Variants in SNTG1 observed in about 807,000 individuals in gnomAD.
SNTG1 encodes the protein gamma-1-syntrophin.
A neutral mutation model predicts 74.7 loss-of-function variants in SNTG1; 39 were observed. The ratio of observed to expected loss-of-function variants is 0.52; its 90% confidence interval spans 0.40 to 0.68. SNTG1 has a LOEUF of 0.68. SNTG1 is among the 30% of genes least tolerant of loss of function. The pLI is 0.00. For missense variants in SNTG1, 685 were observed against 609.5 expected (o/e 1.12, Z -1.30); for synonymous variants, 254 against 217.1 (o/e 1.17, Z -1.49).
At chr8:50,202,067 C>A (rs1386065222) in intron 2 of SNTG1, among the ~76,000 whole-genome samples, 1 of 152,058 alleles carries the variant, frequency 6.6e-6, no homozygotes, top group Admixed American at 6.6e-5. Context: ...GACAATCCTT[C>A]TTTCCAGAGT....
chr8:50,389,580 A>G (rs567572153), intron 2 of SNTG1, among the ~76,000 whole-genome samples: 60 of 152,264 alleles, frequency 3.9e-4, no homozygotes, highest in Admixed American at 2.9e-3. Context: ...ATGATTTATA[A>G]TCCTTTGGGT....
intron 2 of SNTG1, among the ~76,000 whole-genome samples, chr8:50,182,877 A>G (rs1238804289): frequency 6.6e-6 from 1 of 152,110 alleles, no homozygotes; most frequent in Non-Finnish European, 1.5e-5. Context: ...AACAAATGCT[A>G]TGGAATTAAT....
chr8:50,359,181 C>T (rs1019803754), intron 2 of SNTG1, among the ~76,000 whole-genome samples: 3 of 152,154 alleles, frequency 2.0e-5, no homozygotes, highest in Non-Finnish European at 2.9e-5. Context: ...AATAGGCATG[C>T]CATTTATTCT....
chr8:50,711,546 G>GC (rs2095461699), intron 17 of SNTG1, among the ~76,000 whole-genome samples: 1 of 152,120 alleles, frequency 6.6e-6, no homozygotes, highest in African/African-American at 2.4e-5. Context: ...AAGAATTGCT[G>GC]CATCTCTCTT....
At chr8:49,932,033 A>G (rs926901425) in intron 1 of SNTG1, among the ~76,000 whole-genome samples, 2 of 152,158 alleles carry the variant, frequency 1.3e-5, no homozygotes, top group African/African-American at 4.8e-5. Context: ...TTAATTTTTT[A>G]TAATTAAAGG....
intron 13 of SNTG1, among the ~76,000 whole-genome samples, chr8:50,594,878 T>C (rs1026921): frequency 0.61 from 91,990 of 151,898 alleles, 30,588 homozygotes; most frequent in East Asian, 0.79. Context: ...ACAGTAAGCT[T>C]TGTGGCATTA....
chr8:50,460,976 T>A (rs1488869080), intron 8 of SNTG1, among the ~76,000 whole-genome samples: 3 of 152,316 alleles, frequency 2.0e-5, no homozygotes, highest in East Asian at 3.9e-4. Context: ...TTATTCAGAT[T>A]TCATTAGTTT....
At chr8:50,076,476 A>G (rs1183066249) in intron 1 of SNTG1, among the ~76,000 whole-genome samples, 1 of 152,214 alleles carries the variant, frequency 6.6e-6, no homozygotes, top group Non-Finnish European at 1.5e-5. Flanking sequence ...TGAGTGGACT[A>G]TAAAATATGA....
chr8:50,145,090 A>G (rs1240731823), intron 1 of SNTG1, among the ~76,000 whole-genome samples: 1 of 152,150 alleles, frequency 6.6e-6, no homozygotes, highest in Non-Finnish European at 1.5e-5. Context: ...TCAGTGCTTC[A>G]GGAATGATGG....
At chr8:50,584,151 T>C (rs1437454266) in intron 12 of SNTG1, among the ~76,000 whole-genome samples, 3 of 152,160 alleles carry the variant, frequency 2.0e-5, no homozygotes, top group Non-Finnish European at 4.4e-5. Flanking sequence ...ATATGCCATA[T>C]TTTCTTAATC....
chr8:50,162,578 GAA>G lies in SNTG1; in HGVS notation c.-102-9975_-102-9974del, dbSNP rs1188032481. Among the ~76,000 whole-genome samples, 47 of 136,312 alleles carry G rather than the reference GAA, an allele frequency of 3.4e-4. 1 individual carries two copies. Among genetic ancestry groups the G allele is most frequent in the African/African-American group, 1.3e-3 (46 of 36,674 alleles). The allele number at this position is 136,312 out of a possible 152,430, so 89.4% of individuals were successfully genotyped here. ...CTGTCTCAAAAAAAAAAAAAAAAAAGAAAAAAAAAGAAAGAAAACACCAGTCC... is the reference window on the plus strand; with the variant it reads ...CTGTCTCAAAAAAAAAAAAAAAAAAGAAAAAAAGAAAGAAAACACCAGTCC... On this transcript the variant is annotated intron_variant, in intron 1 of 18. Transcript: ENST00000642720.
chr8:50,416,936 T>C (rs1242903461), intron 4 of SNTG1, among the ~76,000 whole-genome samples: 1 of 152,134 alleles, frequency 6.6e-6, no homozygotes, highest in East Asian at 1.9e-4. Context: ...ATTCACTGTC[T>C]TTGCTTCAAA....
intron 1 of SNTG1, among the ~76,000 whole-genome samples, chr8:50,109,918 C>G (rs1010888850): frequency 1.3e-5 from 2 of 152,148 alleles, no homozygotes; most frequent in African/African-American, 4.8e-5. Flanking sequence ...AAGTCACCAC[C>G]TTTTTCTTTC....
intron 2 of SNTG1, among the ~76,000 whole-genome samples, chr8:50,386,057 A>T (rs2092569327): frequency 6.6e-6 from 1 of 152,226 alleles, no homozygotes; most frequent in South Asian, 2.1e-4. Context: ...AGTTAAAGGT[A>T]GTTCTAATGG....
chr8:50,196,943 C>T (rs2083794259), intron 2 of SNTG1, among the ~76,000 whole-genome samples: 1 of 151,872 alleles, frequency 6.6e-6, no homozygotes, highest in Non-Finnish European at 1.5e-5. Flanking sequence ...GATCATGCCA[C>T]GGCACTCCAG....
At chr8:50,498,086 T>C (rs2093919625) in intron 8 of SNTG1, among the ~76,000 whole-genome samples, 2 of 151,952 alleles carry the variant, frequency 1.3e-5, no homozygotes, top group Non-Finnish European at 2.9e-5. Context: ...TGAAAAGTAT[T>C]TGTAAGTACA....
chr8:50,283,100 T>G (rs1001805148), intron 2 of SNTG1, among the ~76,000 whole-genome samples: 1 of 152,144 alleles, frequency 6.6e-6, no homozygotes, highest in African/African-American at 2.4e-5. Context: ...AATGTTTCCT[T>G]GAAGCCAAAA....
chr8:50,047,459 T>C lies in SNTG1; in HGVS notation c.-102-125102T>C, dbSNP rs553886652. On this transcript the variant is annotated intron_variant, in intron 1 of 18. Coordinates refer to ENST00000642720, the MANE Select transcript of SNTG1 (RefSeq NM_018967.5). ...ATAAAAGAAGGCTCTATGTAAAATG[T>C]GAGAGATAAAAGTTAGATCCAAGGA... is the stretch of plus-strand genomic sequence containing the variant. 2.0e-5 allele frequency among the ~76,000 whole-genome samples: 3 copies of C among 152,178 alleles called. 1 individual carries two copies. The South Asian group carries it at 6.2e-4, about 32-fold the overall frequency.
At chr8:50,151,076 C>T (rs1178179165) in intron 1 of SNTG1, among the ~76,000 whole-genome samples, 1 of 152,136 alleles carries the variant, frequency 6.6e-6, no homozygotes, top group Non-Finnish European at 1.5e-5. Context: ...TTAATTATTT[C>T]CTCAATTTCA....
Sources: gnomAD v4.1 joint callset for allele counts (sites outside exome capture counted in the v4.1 genomes callset) on GRCh38, gnomAD v4.1.1 for gene constraint, MANE v1.5 for transcripts, NCBI Gene and HGNC (gene_info 2026-07-23, HGNC 2026-07-21) for gene names.